Variants in MMP20 observed in about 807,000 individuals in gnomAD.
MMP20 encodes the protein matrix metallopeptidase 20.
MMP20 carries 50 observed loss-of-function variants against 51.8 expected under a neutral mutation model. That is an observed-to-expected ratio of 0.97 (90% CI 0.77 to 1.22). MMP20 has a LOEUF of 1.22. Among genes scored for constraint, MMP20 ranks in the 50% most tolerant of loss-of-function variants. The pLI is 0.00. For synonymous variants in MMP20, 244 were observed against 216.2 expected (o/e 1.13, Z -1.13); for missense variants, 663 against 601.4 (o/e 1.10, Z -1.07).
chr11:102,591,889 T>C (rs1421312739), intron 8 of MMP20, among the ~76,000 whole-genome samples: 1 of 152,164 alleles, frequency 6.6e-6, no homozygotes, highest in South Asian at 2.1e-4. Context: ...GGTATATGCT[T>C]TACTGCAGGT....
Position 102,602,090 on chromosome 11 carries a change from C to T in MMP20, c.953+4445G>A, listed in dbSNP as rs569923397. Among the ~76,000 whole-genome samples, 4 of 145,962 alleles carry T rather than the reference C, an allele frequency of 2.7e-5. No homozygotes were observed. In the East Asian group the frequency reaches 8.0e-4, roughly 29 times the overall value. On this transcript the variant is annotated intron_variant, in intron 6 of 9. Coordinates refer to ENST00000260228, the MANE Select transcript of MMP20 (RefSeq NM_004771.4). ...TCAGCCTCCCGAGTAGCTGGGATTA[C>T]AGGCGCCCACCACCACGCCCGGCTA...
intron 1 of MMP20, among the ~76,000 whole-genome samples, chr11:102,622,937 C>G (rs1859768980): frequency 6.6e-6 from 1 of 152,078 alleles, no homozygotes; most frequent in African/African-American, 2.4e-5. Context: ...TCATTGTGAT[C>G]CTCATTAGAG....
chr11:102,600,978 C>T lies in MMP20; in HGVS notation c.953+5557G>A, dbSNP rs1038398486. Among the ~76,000 whole-genome samples the T allele has an allele frequency of 7.2e-5, 11 of 151,974 alleles. 1 individual carries two copies. Among genetic ancestry groups the T allele is most frequent in the Admixed American group, 3.9e-4 (6 of 15,260 alleles). ...TTCCCAGATTTATTTGGGATTTCAC[C>T]ACAGGGGTTTTGTCTCTGATGTCAA... On this transcript the variant is annotated intron_variant, in intron 6 of 9. Coordinates refer to ENST00000260228, the MANE Select transcript of MMP20 (RefSeq NM_004771.4).
intron 1 of MMP20, among the ~76,000 whole-genome samples, chr11:102,619,686 G>C (rs958895329): frequency 6.6e-6 from 1 of 151,980 alleles, no homozygotes; most frequent in African/African-American, 2.4e-5. Context: ...TCATAGAAAA[G>C]TATTATGAAA....
At chr11:102,584,873 A>T (rs1704535040) in intron 8 of MMP20, among the ~76,000 whole-genome samples, 1 of 152,142 alleles carries the variant, frequency 6.6e-6, no homozygotes, top group African/African-American at 2.4e-5. Flanking sequence ...TCATTTGTTG[A>T]AGATACCATT....
intron 2 of MMP20, among the ~76,000 whole-genome samples, chr11:102,616,567 T>C (rs1171139468): frequency 1.3e-5 from 2 of 152,214 alleles, no homozygotes; most frequent in Admixed American, 1.3e-4. Flanking sequence ...AATTGTGTTG[T>C]TTCTAGCTGG....
intron 1 of MMP20, among the ~76,000 whole-genome samples, chr11:102,619,267 C>G (rs892787640): frequency 1.3e-5 from 2 of 152,064 alleles, no homozygotes; most frequent in Non-Finnish European, 2.9e-5. Context: ...AGACCAGGTC[C>G]TCTGTGTCTC....
At chr11:102,577,641 G>C (rs1359318416) in intron 9 of MMP20, among the ~76,000 whole-genome samples, 1 of 152,176 alleles carries the variant, frequency 6.6e-6, no homozygotes, top group Non-Finnish European at 1.5e-5. Context: ...GCCGGGGTAA[G>C]GCCTTCTTGT....
chr11:102,609,166 A>G (rs947933695), intron 4 of MMP20, 68 bp from the exon 5 acceptor site: 4 of 1,397,608 alleles, frequency 2.9e-6, no homozygotes, highest in Non-Finnish European at 4.0e-6. Context: ...TTCCATCTTT[A>G]TAGTATAATT....
chr11:102,592,485 A>G (rs1214874545), intron 8 of MMP20, among the ~76,000 whole-genome samples: 1 of 152,226 alleles, frequency 6.6e-6, no homozygotes, highest in Non-Finnish European at 1.5e-5. Context: ...ATTGGGGAAG[A>G]AAATATGAAT....
intron 8 of MMP20, 119 bp from the exon 9 acceptor site, chr11:102,579,261 G>T: frequency 1.4e-6 from 1 of 691,574 alleles, no homozygotes; most frequent in Non-Finnish European, 2.6e-6. Flanking sequence ...CTCTCTCTCT[G>T]TTTCACATAC....
rs188216403 is a variant in MMP20, at chr11:102,595,294, T to G, written c.954-537A>C. 1.1e-4 allele frequency among the ~76,000 whole-genome samples: 17 copies of G among 152,308 alleles called. No homozygotes were observed. The East Asian group carries it at 3.3e-3, about 29-fold the overall frequency. ...CTTGGTAAACAGTTTCTACTCCCTTTTCATTGTCTTAGCATTTCTGTGATC... is the reference window on the plus strand; with the variant it reads ...CTTGGTAAACAGTTTCTACTCCCTTGTCATTGTCTTAGCATTTCTGTGATC... On this transcript the variant is annotated intron_variant, in intron 6 of 9. Coordinates refer to ENST00000260228, the MANE Select transcript of MMP20 (RefSeq NM_004771.4).
chr11:102,600,634 C>T (rs796297156), intron 6 of MMP20, among the ~76,000 whole-genome samples: 12 of 152,278 alleles, frequency 7.9e-5, no homozygotes, highest in African/African-American at 2.9e-4. Flanking sequence ...CAAGGCACTG[C>T]CACCACATCT....
chr11:102,605,698 C>A (rs1055678332), intron 6 of MMP20, among the ~76,000 whole-genome samples: 1 of 152,134 alleles, frequency 6.6e-6, no homozygotes, highest in East Asian at 1.9e-4. Context: ...TCCATAAACA[C>A]TTTTGCAATA....
In MMP20 at chr11:102,620,079, T is replaced by G. The variant is rs557913678; in HGVS notation, c.127-3020A>C. Among the ~76,000 whole-genome samples, 28 of 152,266 alleles carry G rather than the reference T, an allele frequency of 1.8e-4. 1 individual carries two copies. Among genetic ancestry groups the G allele is most frequent in the Non-Finnish European group, 3.4e-4 (23 of 68,020 alleles). On this transcript the variant is annotated intron_variant, in intron 1 of 9. Coordinates refer to ENST00000260228, the MANE Select transcript of MMP20 (RefSeq NM_004771.4). ...ACCATAAACCATCACTTCCTACCAATTTCTTATCACTCTCACCTGCTTGTT... is the reference window on the plus strand; with the variant it reads ...ACCATAAACCATCACTTCCTACCAAGTTCTTATCACTCTCACCTGCTTGTT...
chr11:102,590,965 T>C (rs1007544271), intron 8 of MMP20, among the ~76,000 whole-genome samples: 1 of 152,246 alleles, frequency 6.6e-6, no homozygotes, highest in Non-Finnish European at 1.5e-5. Flanking sequence ...CAGCCTGCCA[T>C]ACTGGCTCTA....
intron 5 of MMP20, 40 bp downstream of exon 5, chr11:102,608,897 C>T: frequency 3.1e-6 from 5 of 1,604,710 alleles, no homozygotes; most frequent in Non-Finnish European, 2.6e-6. Context: ...GAATGCCTGC[C>T]AATTTCAGGG....
intron 8 of MMP20, 130 bp downstream of exon 8, chr11:102,593,309 C>A (rs1441128719): frequency 2.4e-6 from 2 of 819,566 alleles, no homozygotes; most frequent in African/African-American, 1.7e-5. Context: ...GTAAATCGCA[C>A]CCCAGTGGCC....
Position 102,618,416 on chromosome 11 carries a change from A to G in MMP20, c.127-1357T>C, listed in dbSNP as rs151210869. On this transcript the variant is annotated intron_variant, in intron 1 of 9. Coordinates refer to ENST00000260228, the MANE Select transcript of MMP20 (RefSeq NM_004771.4). The stretch of plus-strand genomic sequence containing the variant: ...CAAATTGTTTACTTACATATTATAC[A>G]CACATATTTTTAACATATATATAAA... Among the ~76,000 whole-genome samples, 3 of 151,804 alleles carry G rather than the reference A, an allele frequency of 2.0e-5. No individual in the cohort carries two copies. The East Asian group carries it at 5.8e-4, about 29-fold the overall frequency.
Sources: allele counts gnomAD v4.1 joint callset (sites outside exome capture counted in the v4.1 genomes callset), GRCh38; gene constraint gnomAD v4.1.1; transcripts MANE v1.5; gene names NCBI Gene and HGNC (gene_info 2026-07-23, HGNC 2026-07-21).